The following DPP10 variants were observed in gnomAD, a reference collection of about 807,000 sequenced individuals.
DPP10 encodes the protein inactive dipeptidyl peptidase 10.
DPP10 carries 33 observed loss-of-function variants against 120.9 expected under a neutral mutation model. The observed-to-expected ratio is 0.27, with a 90% CI of 0.21 to 0.37. The LOEUF (loss-of-function observed/expected upper bound fraction) is 0.37, where lower values mean the gene tolerates loss of function less well. Ranked by LOEUF, DPP10 falls within the 10% of genes least tolerant of loss-of-function variation. The pLI, the probability that DPP10 is intolerant of heterozygous loss-of-function variation, is 1.00. For synonymous variants in DPP10, 337 were observed against 326.1 expected (o/e 1.03, Z -0.36); for missense variants, 816 against 942.8 (o/e 0.87, Z 1.76).
chr2:115,548,623 A>C (rs2148994069), intron 5 of DPP10, among the ~76,000 whole-genome samples: 2 of 152,250 alleles, frequency 1.3e-5, no homozygotes, highest in South Asian at 4.1e-4. Context: ...AAAAAGATAC[A>C]GTTCCTTGCC....
At chr2:114,471,627 A>G (rs1182300392) in intron 1 of DPP10, among the ~76,000 whole-genome samples, 1 of 152,240 alleles carries the variant, frequency 6.6e-6, no homozygotes, top group African/African-American at 2.4e-5. Flanking sequence ...TAGATTTTCA[A>G]TATGAAAAAA....
intron 1 of DPP10, among the ~76,000 whole-genome samples, chr2:114,525,864 C>T (rs1468261724): frequency 6.6e-6 from 1 of 152,176 alleles, no homozygotes; most frequent in Non-Finnish European, 1.5e-5. Context: ...TAGCATCCTA[C>T]CTTTACCATG....
intron 1 of DPP10, among the ~76,000 whole-genome samples, chr2:114,969,607 C>T (rs1458013619): frequency 1.3e-5 from 2 of 152,144 alleles, no homozygotes; most frequent in Non-Finnish European, 2.9e-5. Context: ...ATTCTGTCTT[C>T]CTTGGCACAT....
At position 115,753,215 on chromosome 2, in the gene DPP10, A is replaced by G. The variant is rs760917274; in HGVS notation, c.992A>G (p.Lys331Arg). The G allele has an allele frequency of 1.2e-6, 2 of 1,612,084 alleles. No individual in the cohort carries two copies. Among genetic ancestry groups the G allele is most frequent in the Non-Finnish European group, 1.7e-6 (2 of 1,178,746 alleles). The change falls in exon 11 of 26, where the codon AAG becomes AGG. Residue 331 changes from lysine to arginine, a missense_variant. By Grantham distance (26) the Lys-to-Arg change is conservative. Coordinates refer to ENST00000410059, the MANE Select transcript of DPP10 (RefSeq NM_020868.6). ...ATGGTTAAATGGGTAAGCAATACCA[A>G]GACTGTGGTAAGATGGTTAAACCGA... ...ITMVKWVSNT[K>R]TVVRWLNRAQ...
intron 1 of DPP10, among the ~76,000 whole-genome samples, chr2:115,099,130 C>CAAAAAAAAAAAAAAAAAAAA (rs55815168): frequency 1.3e-5 from 1 of 74,802 alleles, no homozygotes; most frequent in Non-Finnish European, 2.9e-5. Context: ...GCTAAAAATA[C>CAAAAAAAAAAAAAAAAAAAA]AAAAAAAAAA....
intron 21 of DPP10, among the ~76,000 whole-genome samples, chr2:115,824,190 T>C (rs1280413878): frequency 1.3e-5 from 2 of 152,174 alleles, no homozygotes; most frequent in African/African-American, 4.8e-5. Flanking sequence ...AAATGCTCAA[T>C]GTTTTTGTCG....
chr2:114,994,878 T>C (rs1449669656), intron 1 of DPP10, among the ~76,000 whole-genome samples: 1 of 152,194 alleles, frequency 6.6e-6, no homozygotes, highest in African/African-American at 2.4e-5. Context: ...TCAATTCTAA[T>C]ATTGCACTTG....
chr2:114,773,533 T>G (rs912027995), intron 1 of DPP10, among the ~76,000 whole-genome samples: 2 of 152,198 alleles, frequency 1.3e-5, no homozygotes, highest in Non-Finnish European at 2.9e-5. Flanking sequence ...TCACACACAA[T>G]GCAGACTCAA....
At chr2:115,477,372 C>A (rs2075153824) in intron 3 of DPP10, among the ~76,000 whole-genome samples, 1 of 151,626 alleles carries the variant, frequency 6.6e-6, no homozygotes, top group Admixed American at 6.6e-5. Flanking sequence ...AACAAACAAC[C>A]CAAAAGAGGA....
chr2:115,004,561 G>A (rs11123269), intron 1 of DPP10, among the ~76,000 whole-genome samples: 57,823 of 151,198 alleles, frequency 0.38, 11,435 homozygotes, highest in East Asian at 0.48. Context: ...CTCGGGAAGC[G>A]CAAGGGGTCA....
At chr2:114,464,540 T>C (rs1222071648) in intron 1 of DPP10, among the ~76,000 whole-genome samples, 1 of 152,226 alleles carries the variant, frequency 6.6e-6, no homozygotes, top group Non-Finnish European at 1.5e-5. Context: ...TTTCTCCTAG[T>C]CTGTGGCTTA....
chr2:115,167,604 C>CA (rs59031977), intron 1 of DPP10, among the ~76,000 whole-genome samples: 1,103 of 47,542 alleles, frequency 0.023, 15 homozygotes, highest in Middle Eastern at 0.059. Context: ...GAGACCGTCT[C>CA]AAAAAAAAAA....
At chr2:114,986,906 G>T (rs1287322873) in intron 1 of DPP10, among the ~76,000 whole-genome samples, 1 of 151,900 alleles carries the variant, frequency 6.6e-6, no homozygotes, top group Non-Finnish European at 1.5e-5. Context: ...AAGTAGCTGG[G>T]GATTACAGGC....
chr2:115,652,465 C>T (rs1231751817), intron 5 of DPP10, among the ~76,000 whole-genome samples: 1 of 149,510 alleles, frequency 6.7e-6, no homozygotes. Context: ...TATGTATTCT[C>T]TAATACCTTT....
At chr2:114,584,838 T>C (rs918345533) in intron 1 of DPP10, among the ~76,000 whole-genome samples, 33 of 151,972 alleles carry the variant, frequency 2.2e-4, no homozygotes, top group Non-Finnish European at 3.7e-4. Context: ...AAACCAGAAA[T>C]AGTCTAGGCT....
rs147380869 is a variant in DPP10, at chr2:115,681,097, T to C, written c.442-8590T>C. On this transcript the variant is annotated intron_variant, in intron 5 of 25. Transcript: ENST00000410059. ...GACTTTGAACAAAGAGAGAGATGCT[T>C]GTGTAGCATGTAGGACTATAAATTG... is the stretch of plus-strand genomic sequence containing the variant. Among the ~76,000 whole-genome samples, 647 of 151,988 alleles carry C rather than the reference T, an allele frequency of 4.3e-3. 6 individuals carry two copies. The highest frequency in any genetic ancestry group is 0.015 in the African/African-American group (623 of 41,538).
chr2:115,621,808 G>A (rs141539314), intron 5 of DPP10, among the ~76,000 whole-genome samples: 2,589 of 152,130 alleles, frequency 0.017, 31 homozygotes, highest in Non-Finnish European at 0.027. Flanking sequence ...TTCCCAAGTA[G>A]CTGGGATTAC....
chr2:115,615,447 G>A (rs1484144000), intron 5 of DPP10, among the ~76,000 whole-genome samples: 2 of 152,054 alleles, frequency 1.3e-5, no homozygotes, highest in Non-Finnish European at 2.9e-5. Flanking sequence ...GTTATGAACG[G>A]CATCGCACAT....
At chr2:115,104,392 G>T (rs1228602650) in intron 1 of DPP10, among the ~76,000 whole-genome samples, 2 of 151,956 alleles carry the variant, frequency 1.3e-5, no homozygotes, top group Non-Finnish European at 2.9e-5. Flanking sequence ...ACCATAGAGT[G>T]AGATATTACT....
Sources: allele counts gnomAD v4.1 joint callset (sites outside exome capture counted in the v4.1 genomes callset), GRCh38; gene constraint gnomAD v4.1.1; transcripts MANE v1.5; gene names NCBI Gene and HGNC (gene_info 2026-07-23, HGNC 2026-07-21).